TMCO4: variants seen among roughly 807,000 people sequenced by gnomAD.
TMCO4 encodes transmembrane and coiled-coil domain-containing protein 4.
In TMCO4, 58 loss-of-function variants were observed where a neutral mutation model predicts 64.7. The observed-to-expected ratio is 0.90, with a 90% CI of 0.73 to 1.12. The LOEUF is 1.12. Among genes scored for constraint, TMCO4 ranks in the 50% most tolerant of loss-of-function variants. TMCO4 has a pLI of 0.00. For synonymous variants in TMCO4, 325 were observed against 346.1 expected, an observed-to-expected ratio of 0.94 and a Z score of 0.68; for missense variants, 780 against 825.9, an observed-to-expected ratio of 0.94 and a Z score of 0.68.
chr1:19,710,783 G>A (rs1422647670), intron 13 of TMCO4, among the ~76,000 whole-genome samples: 1 of 152,228 alleles, frequency 6.6e-6, no homozygotes, highest in South Asian at 2.1e-4. Flanking sequence ...ACCTGTGAAG[G>A]TGAACATTTC....
At chr1:19,747,095 C>G in intron 8 of TMCO4, 68 bp downstream of exon 8, 1 of 1,539,740 alleles carries the variant, frequency 6.5e-7, no homozygotes, top group Non-Finnish European at 9.0e-7. Flanking sequence ...CCACTCTCAC[C>G]CACAGCCTGG....
intron 5 of TMCO4, among the ~76,000 whole-genome samples, 199 bp from the exon 6 acceptor site, chr1:19,770,768 G>C (rs1158607907): frequency 6.6e-6 from 1 of 152,176 alleles, no homozygotes; most frequent in Non-Finnish European, 1.5e-5. Context: ...AGATAAGGAG[G>C]GGAAGGGGCT....
intron 7 of TMCO4, among the ~76,000 whole-genome samples, chr1:19,751,976 A>G (rs1198472059): frequency 6.6e-6 from 1 of 151,520 alleles, no homozygotes; most frequent in Non-Finnish European, 1.5e-5. Context: ...TGAACCCAGG[A>G]GGCGGAGCTT....
Position 19,743,274 on chromosome 1 carries a change from G to A in TMCO4, c.877+2258C>T, listed in dbSNP as rs186401930. On this transcript the variant is annotated intron_variant, in intron 10 of 15. Transcript: ENST00000294543. This position sits in a 1 kb window ranked among gnomAD's most constrained non-coding sequence, Gnocchi z 4.1. Reference sequence around the variant, plus strand: ...CGAATGACAGCCACTTCCCTGGACTGAAGTGAGGAGCTAAATGAGCCAGTG... The same window carrying A: ...CGAATGACAGCCACTTCCCTGGACTAAAGTGAGGAGCTAAATGAGCCAGTG... 2.0e-5 allele frequency among the ~76,000 whole-genome samples: 3 copies of A among 152,222 alleles called. No individual in the cohort carries two copies. The East Asian group carries it at 5.8e-4, about 29-fold the overall frequency.
At chr1:19,700,920 C>G (rs2100616188) in intron 13 of TMCO4, 35 bp from the exon 14 acceptor site, 1 of 1,587,896 alleles carries the variant, frequency 6.3e-7, no homozygotes, top group African/African-American at 1.3e-5. Flanking sequence ...CGTCAGTGTC[C>G]CTGGCCACAT....
chr1:19,737,363 C>T lies in TMCO4; in HGVS notation c.1264+9G>A. The T allele has an allele frequency of 1.2e-6, 2 of 1,609,972 alleles. No individual in the cohort carries two copies. The highest frequency in any genetic ancestry group is 1.7e-6 in the Non-Finnish European group (2 of 1,177,022). On this transcript the variant is annotated intron_variant, in intron 13 of 15. Transcript: ENST00000294543. ...AGGGTTTCCGTCTGTGACAATAATC[C>T]ATGCTCACCTTTCTCTTGAGCCATC...
At chr1:19,742,562 C>G (rs1001204151) in intron 10 of TMCO4, among the ~76,000 whole-genome samples, 2 of 152,144 alleles carry the variant, frequency 1.3e-5, no homozygotes, top group African/African-American at 4.8e-5. Flanking sequence ...GGATCAACTG[C>G]CTCTAATTAT....
intron 7 of TMCO4, among the ~76,000 whole-genome samples, chr1:19,748,817 C>CT (rs1424443978): frequency 7.1e-6 from 1 of 141,820 alleles, no homozygotes; most frequent in African/African-American, 2.5e-5. Flanking sequence ...GAGTGAGACC[C>CT]TGTCTCGAAT....
At chr1:19,705,330 A>G (rs2095296674) in intron 13 of TMCO4, among the ~76,000 whole-genome samples, 1 of 152,082 alleles carries the variant, frequency 6.6e-6, no homozygotes, top group Non-Finnish European at 1.5e-5. Context: ...GGGTGCCTGT[A>G]GTCCCAGCTA....
At chr1:19,754,541 C>T (rs1446961004) in intron 7 of TMCO4, among the ~76,000 whole-genome samples, 3 of 152,082 alleles carry the variant, frequency 2.0e-5, no homozygotes, top group Admixed American at 6.6e-5. Context: ...GGGCTGACCT[C>T]GGGTAACCTG....
rs576175625 is a variant in TMCO4 at position 19,701,980 on chromosome 1, A to C, written c.1265-1095T>G. Among the ~76,000 whole-genome samples the C allele has an allele frequency of 3.3e-5, 5 of 151,910 alleles. 1 individual carries two copies. The East Asian group carries it at 9.8e-4, about 30-fold the overall frequency. On this transcript the variant is annotated intron_variant, in intron 13 of 15. Coordinates refer to ENST00000294543, the MANE Select transcript of TMCO4 (RefSeq NM_181719.7). The stretch of plus-strand genomic sequence containing the variant: ...TGAGACCCTTGTCTTTTATTTATTT[A>C]TTTCTTTGAGACAGAGTCTCGCTCT...
At chr1:19,793,916 G>A (rs1351664159) in intron 2 of TMCO4, among the ~76,000 whole-genome samples, 1 of 152,080 alleles carries the variant, frequency 6.6e-6, no homozygotes, top group Non-Finnish European at 1.5e-5. Flanking sequence ...ACAGCACCCA[G>A]AGAGTGCCAT....
At chr1:19,705,508 G>A (rs1285567327) in intron 13 of TMCO4, among the ~76,000 whole-genome samples, 3 of 149,478 alleles carry the variant, frequency 2.0e-5, no homozygotes, top group Non-Finnish European at 4.5e-5. Context: ...CACAATAGTC[G>A]ATGAGATAAA....
chr1:19,718,231 A>G (rs927675339), intron 13 of TMCO4, among the ~76,000 whole-genome samples: 2 of 152,132 alleles, frequency 1.3e-5, no homozygotes, highest in African/African-American at 4.8e-5. Context: ...GCTACTTGAG[A>G]GGCTGAGGCA....
intron 10 of TMCO4, among the ~76,000 whole-genome samples, chr1:19,742,141 T>C (rs956457410): frequency 3.9e-5 from 6 of 152,154 alleles, no homozygotes; most frequent in Non-Finnish European, 8.8e-5. Flanking sequence ...CCACTTGCCC[T>C]TGAGATTCCA....
At chr1:19,760,397 A>G (rs1452265183) in intron 6 of TMCO4, among the ~76,000 whole-genome samples, 2 of 152,046 alleles carry the variant, frequency 1.3e-5, no homozygotes, top group Non-Finnish European at 2.9e-5. Flanking sequence ...GTCTCTTACC[A>G]TGAGTTATTT....
chr1:19,734,343 T>C lies in TMCO4; in HGVS notation c.1264+3029A>G, dbSNP rs1344479332. On this transcript the variant is annotated intron_variant, in intron 13 of 15. Transcript: ENST00000294543. The surrounding 1 kb of genome is among the most constrained non-coding windows in gnomAD (Gnocchi z 4.4). Reference sequence around the variant, plus strand: ...CTTGGGGTCTGCCGAGTTGCTGCCGTGTGAGTGTGTGCAGATGCGTGTATG... The same window carrying C: ...CTTGGGGTCTGCCGAGTTGCTGCCGCGTGAGTGTGTGCAGATGCGTGTATG... Among the ~76,000 whole-genome samples, 1 of 151,988 alleles carries C rather than the reference T, an allele frequency of 6.6e-6. No individual in the cohort carries two copies. The highest frequency in any genetic ancestry group is 1.5e-5 in the Non-Finnish European group (1 of 68,004).
chr1:19,683,086 G>A lies in TMCO4; in HGVS notation c.1859C>T (p.Pro620Leu), dbSNP rs2095114962. Residue 620 changes from proline (P) to leucine (L), a missense_variant, in exon 16 of 16, where the codon CCC becomes CTC. Physicochemically the swap from Pro to Leu is moderately conservative, Grantham distance 98. Transcript: ENST00000294543. ...HGMDPNPLGC[P>L]DCACKTQGPS... ...GCCCTGGGTCTTGCAGGCACAATCG[G>A]GGCAGCCCAGTGGGTTGGGGTCCAT... 1 of 1,608,098 alleles carries A rather than the reference G, an allele frequency of 6.2e-7. No individual in the cohort carries two copies. The highest frequency in any genetic ancestry group is 8.5e-7 in the Non-Finnish European group (1 of 1,177,338).
At chr1:19,785,950 G>C (rs1218303176) in intron 3 of TMCO4, among the ~76,000 whole-genome samples, 1 of 152,234 alleles carries the variant, frequency 6.6e-6, no homozygotes, top group African/African-American at 2.4e-5. Context: ...TATGGTGGTA[G>C]AGACAGACAA....
Sources: gnomAD v4.1 joint callset for allele counts (sites outside exome capture counted in the v4.1 genomes callset) on GRCh38, gnomAD v4.1.1 for gene constraint, Gnocchi (gnomAD v3.1) non-coding constraint, MANE v1.5 for transcripts, NCBI Gene and HGNC (gene_info 2026-07-23, HGNC 2026-07-21) for gene names.